Variants in SLC24A2 observed in about 807,000 individuals in gnomAD.
SLC24A2 encodes the protein sodium/potassium/calcium exchanger 2.
A neutral mutation model predicts 62.0 loss-of-function variants in SLC24A2; 36 were observed. The observed-to-expected ratio is 0.58, with a 90% CI of 0.44 to 0.77. The LOEUF is 0.77. Among genes scored for constraint, SLC24A2 ranks in the 30% least tolerant of loss-of-function variants. The probability of loss-of-function intolerance (pLI) is 0.00; values close to 1 mark genes in which losing one functional copy is unlikely to be tolerated. For missense variants in SLC24A2, 846 were observed against 817.9 expected (o/e 1.03, Z -0.42); for synonymous variants, 358 against 294.0 (o/e 1.22, Z -2.23).
the SLC24A2 span, among the ~76,000 whole-genome samples, chr9:20,216,698 C>T: frequency 1.3e-5 from 2 of 152,034 alleles, no homozygotes; most frequent in African/African-American, 4.8e-5. Flanking sequence ...TTGTTAGTAT[C>T]AATGAACAGA....
chr9:20,196,803 T>TA, the SLC24A2 span, among the ~76,000 whole-genome samples: 9 of 152,246 alleles, frequency 5.9e-5, no homozygotes, highest in South Asian at 1.9e-3. Context: ...TGAAAATGCA[T>TA]AAAAAAACAA....
At chr9:19,774,472 A>G (rs1323149677) in intron 2 of SLC24A2, among the ~76,000 whole-genome samples, 2 of 152,152 alleles carry the variant, frequency 1.3e-5, no homozygotes, top group African/African-American at 2.4e-5. Context: ...CCTGGAATAC[A>G]CCAATATTCA....
intron 2 of SLC24A2, among the ~76,000 whole-genome samples, chr9:19,758,548 C>T (rs536399558): frequency 6.6e-6 from 1 of 152,198 alleles, no homozygotes; most frequent in African/African-American, 2.4e-5. Context: ...AAAAAAAACC[C>T]CCTAAGAATT....
chr9:19,667,524 T>C (rs1819290062), intron 2 of SLC24A2, among the ~76,000 whole-genome samples: 1 of 152,186 alleles, frequency 6.6e-6, no homozygotes, highest in Admixed American at 6.5e-5. Flanking sequence ...GGACCAAGTG[T>C]TCTTGAACTT....
chr9:20,072,168 C>G, the SLC24A2 span, among the ~76,000 whole-genome samples: 2 of 152,066 alleles, frequency 1.3e-5, no homozygotes, highest in African/African-American at 4.8e-5. Context: ...ATGATTGAAG[C>G]ATGGATAATG....
the SLC24A2 span, among the ~76,000 whole-genome samples, chr9:19,993,591 A>G: frequency 1.3e-5 from 2 of 152,180 alleles, no homozygotes; most frequent in South Asian, 2.1e-4. Context: ...ACCTGCTACT[A>G]TGTTCAGGGC....
chr9:19,773,645 C>T (rs767841773), intron 2 of SLC24A2, among the ~76,000 whole-genome samples: 4 of 152,214 alleles, frequency 2.6e-5, no homozygotes, highest in Non-Finnish European at 4.4e-5. Context: ...CTTTGGCCTT[C>T]TACCTATGAC....
chr9:19,653,512 T>G (rs1287618779), intron 2 of SLC24A2, among the ~76,000 whole-genome samples: 2 of 152,214 alleles, frequency 1.3e-5, no homozygotes, highest in African/African-American at 4.8e-5. Flanking sequence ...GATTTACCAA[T>G]GCTGATCAAT....
At chr9:19,883,215 G>C in the SLC24A2 span, among the ~76,000 whole-genome samples, 7 of 152,138 alleles carry the variant, frequency 4.6e-5, no homozygotes, top group African/African-American at 1.7e-4. Context: ...CTATTTCTTA[G>C]ATATTGCGAT....
At chr9:19,956,612 A>G in the SLC24A2 span, among the ~76,000 whole-genome samples, 1 of 152,194 alleles carries the variant, frequency 6.6e-6, no homozygotes, top group African/African-American at 2.4e-5. Context: ...GCAGCAGGCA[A>G]GAGAGAGAGC....
At chr9:20,076,699 T>C in the SLC24A2 span, among the ~76,000 whole-genome samples, 1 of 151,956 alleles carries the variant, frequency 6.6e-6, no homozygotes, top group East Asian at 1.9e-4. Flanking sequence ...AACAAGTTCC[T>C]GGGCTGGGGG....
chr9:19,526,621 T>G (rs1271462227), intron 9 of SLC24A2, among the ~76,000 whole-genome samples: 1 of 152,206 alleles, frequency 6.6e-6, no homozygotes, highest in Non-Finnish European at 1.5e-5. Flanking sequence ...GCATATTTTC[T>G]TGTGCTTTTT....
chr9:20,016,355 A>C, the SLC24A2 span, among the ~76,000 whole-genome samples: 1 of 152,200 alleles, frequency 6.6e-6, no homozygotes, highest in East Asian at 1.9e-4. Flanking sequence ...GAAGACATCT[A>C]CTCAGGATAT....
the SLC24A2 span, among the ~76,000 whole-genome samples, chr9:19,827,615 TGGC>T: frequency 2.0e-5 from 3 of 152,182 alleles, no homozygotes; most frequent in African/African-American, 7.2e-5. Context: ...ATGTTTAATG[TGGC>T]ATCTCTGTGT....
the SLC24A2 span, among the ~76,000 whole-genome samples, chr9:19,851,649 G>A: frequency 1.3e-5 from 2 of 152,206 alleles, no homozygotes; most frequent in African/African-American, 4.8e-5. Flanking sequence ...CCCTGCAAAG[G>A]ACATGATCTC....
Position 19,705,006 on chromosome 9 carries a change from G to T in SLC24A2, c.930+80931C>A, listed in dbSNP as rs185641852. On this transcript the variant is annotated intron_variant, in intron 2 of 10. Transcript: ENST00000341998. ...GAGGACCCAGCTGCTTTGTCAGAAT[G>T]ATTCTTTGCCTGCCTTCTCCCTTGG... 1.8e-4 allele frequency among the ~76,000 whole-genome samples: 27 copies of T among 152,194 alleles called. No individual in the cohort carries two copies. The East Asian group carries it at 1.9e-3, about 11-fold the overall frequency.
At chr9:19,928,799 T>C in the SLC24A2 span, 3 of 152,232 alleles carry the variant, frequency 2.0e-5, no homozygotes, top group African/African-American at 7.2e-5. Context: ...CTGGTTCTAT[T>C]AGTCTTTGGT....
At chr9:20,255,748 G>T in the SLC24A2 span, among the ~76,000 whole-genome samples, 1 of 152,158 alleles carries the variant, frequency 6.6e-6, no homozygotes, top group Non-Finnish European at 1.5e-5. Context: ...ATATTCTACT[G>T]ATCAATGCAG....
chr9:19,898,863 GAAGCATATGAT>G, the SLC24A2 span, among the ~76,000 whole-genome samples: 9 of 152,054 alleles, frequency 5.9e-5, no homozygotes, highest in African/African-American at 2.2e-4. Context: ...TCAGCTGGTT[GAAGCATATGAT>G]AAGTTTATTC....
Sources: allele counts gnomAD v4.1 joint callset (sites outside exome capture counted in the v4.1 genomes callset), GRCh38; gene constraint gnomAD v4.1.1; transcripts MANE v1.5; gene names NCBI Gene and HGNC (gene_info 2026-07-23, HGNC 2026-07-21).